Variants in AMN observed in about 807,000 individuals in gnomAD.
AMN encodes amnion associated transmembrane protein.
Under a neutral mutation model 49.1 loss-of-function variants are expected in AMN, and 40 were observed. The observed-to-expected ratio is 0.81, with a 90% CI of 0.63 to 1.06. The LOEUF is 1.06. Ranked by LOEUF, AMN falls within the 50% of genes least tolerant of loss-of-function variation. AMN has a pLI of 0.00. For missense variants in AMN, 701 were observed against 662.8 expected (o/e 1.06, Z -0.63); for synonymous variants, 380 against 313.3 (o/e 1.21, Z -2.25).
At chr14:102,923,236 C>G in intron 1 of AMN, 1 of 269,938 alleles carries the variant, frequency 3.7e-6, no homozygotes, top group Non-Finnish European at 7.2e-6. Flanking sequence ...CTGACCTGGT[C>G]CTGCCGCCCC....
At position 102,930,827 on chromosome 14, in the gene AMN, A is replaced by C; in HGVS notation, c.*147A>C. 1 of 934,656 alleles carries C rather than the reference A, an allele frequency of 1.1e-6. No homozygotes were observed. Among genetic ancestry groups the C allele is most frequent in the South Asian group, 1.4e-5 (1 of 68,990 alleles). The allele number at this position is 934,656 out of a possible 1,614,324, so 57.9% of individuals were successfully genotyped here. A position where few individuals can be genotyped will look rare whatever the true frequency, so the allele number is the denominator to read the frequency against. On this transcript the variant is annotated 3_prime_UTR_variant, in exon 12 of 12. Transcript: ENST00000299155. ...CAAGGACAGGGTGGCCTTACTCAGT[A>C]AAGGTGTTTCCTGCACCTGCTGTCA...
At chr14:102,928,590 G>A in intron 4 of AMN, 77 bp downstream of exon 4, 1 of 1,527,168 alleles carries the variant, frequency 6.5e-7, no homozygotes. Flanking sequence ...CGCGTCGAGG[G>A]GGGCGAGGAC....
Position 102,929,650 on chromosome 14 carries a change from C to G in AMN, c.761-5C>G, listed in dbSNP as rs1322186341. 1.9e-6 allele frequency: 3 copies of G among 1,549,052 alleles called. No individual in the cohort carries two copies. Among genetic ancestry groups the G allele is most frequent in the Non-Finnish European group, 2.6e-6 (3 of 1,146,878 alleles). On this transcript the variant is annotated splice_region_variant and splice_polypyrimidine_tract_variant and intron_variant, in intron 7 of 11. Coordinates refer to ENST00000299155, the MANE Select transcript of AMN (RefSeq NM_030943.4). ...ACGGCGCTGACCCCTGCCCTCCCGC[C>G]GCAGGAGCCGTTGTGTTGCTGACCC...
intron 3 of AMN, 82 bp from the exon 4 acceptor site, chr14:102,928,344 G>C: frequency 7.6e-7 from 1 of 1,320,148 alleles, no homozygotes; most frequent in Non-Finnish European, 1.1e-6. Flanking sequence ...TCGGCTTCTC[G>C]TCCCAGGGGA....
Position 102,930,616 on chromosome 14 carries a change from C to G in AMN, c.1298C>G (p.Ala433Gly), listed in dbSNP as rs749671617. 11 of 1,593,856 alleles carry G rather than the reference C, an allele frequency of 6.9e-6. No individual in the cohort carries two copies. The highest frequency in any genetic ancestry group is 9.4e-6 in the Non-Finnish European group (11 of 1,172,044). Residue 433 changes from alanine (A) to glycine (G), a missense_variant, in exon 12 of 12, where the codon GCA becomes GGA. Coordinates refer to ENST00000299155, the MANE Select transcript of AMN (RefSeq NM_030943.4). ...CTCAGCCTGGTTCCGAAGGCGGCCG[C>G]AGACAGCACCAGCCACAGTTACTTC... ...RRLSLVPKAA[A>G]DSTSHSYFVN...
intron 1 of AMN, chr14:102,923,223 G>A (rs532404784): frequency 3.8e-6 from 1 of 261,652 alleles, no homozygotes; most frequent in South Asian, 4.5e-5. Flanking sequence ...ATTCAGGGCC[G>A]GCCTGACCTG....
In AMN at chr14:102,930,045, G is replaced by C. The variant is rs1463435268; in HGVS notation, c.965G>C (p.Gly322Ala). 6.5e-7 allele frequency: 1 copy of C among 1,548,638 alleles called. No individual in the cohort carries two copies. The highest frequency in any genetic ancestry group is 2.4e-5 in the East Asian group (1 of 40,948). Residue 322 changes from glycine (G) to alanine (A), a missense_variant, in exon 9 of 12, where the codon GGG (glycine) becomes GCG (alanine). Gly to Ala is a moderately conservative substitution (Grantham distance 60). Transcript: ENST00000299155. ...AATGGGCCCGAGACAGGCGGAGCGG[G>C]GCGGCTGGCCCGGGCCCTCCTGGCG... Reference protein sequence around the residue: ...VENGPETGGAGRLARALLADV... With the variant: ...VENGPETGGAARLARALLADV...
In AMN at chr14:102,923,786, G is replaced by A. The variant is rs759053400; in HGVS notation, c.119G>A (p.Arg40Gln). Residue 40 changes from arginine to glutamine, a missense_variant, in exon 2 of 12, where the codon CGG (arginine) becomes CAG (glutamine). Coordinates refer to ENST00000299155, the MANE Select transcript of AMN (RefSeq NM_030943.4). ...FDVAANWSQN[R>Q]TPCAGGAVEF... Reference sequence around the variant, plus strand: ...GTCGCAGCCAACTGGAGCCAGAACCGGACCCCGTGCGCCGGCGGCGCCGTT... The same window carrying A: ...GTCGCAGCCAACTGGAGCCAGAACCAGACCCCGTGCGCCGGCGGCGCCGTT... 5 of 1,612,746 alleles carry A rather than the reference G, an allele frequency of 3.1e-6. No individual in the cohort carries two copies. In the South Asian group the frequency reaches 3.3e-5, roughly 11 times the overall value.
chr14:102,928,879 C>T lies in AMN; in HGVS notation c.417C>T (p.His139=). The change falls in exon 5 of 12, where the codon CAC becomes CAT. Residue 139 remains histidine (H), a synonymous_variant. Coordinates refer to ENST00000299155, the MANE Select transcript of AMN (RefSeq NM_030943.4). ...FVDAERVPCR[H]DDVFFPPSAS... is the part of the protein sequence containing the mutation. ...ACGCCGAGCGCGTGCCCTGCCGCCA[C>T]GACGACGTCTTCTTTCCGCCTAGTG... is the stretch of plus-strand genomic sequence containing the variant. 1 of 1,604,132 alleles carries T rather than the reference C, an allele frequency of 6.2e-7. No homozygotes were observed. The highest frequency in any genetic ancestry group is 8.5e-7 in the Non-Finnish European group (1 of 1,179,824).
chr14:102,926,642 A>T (rs1364538642), intron 3 of AMN, among the ~76,000 whole-genome samples: 1 of 145,454 alleles, frequency 6.9e-6, no homozygotes, highest in African/African-American at 2.6e-5. Context: ...GCTGGAGTGC[A>T]GTGGTGTGAT....
At chr14:102,929,067 T>C in intron 5 of AMN, 54 bp from the exon 6 acceptor site, 1 of 1,597,234 alleles carries the variant, frequency 6.3e-7, no homozygotes, top group Admixed American at 1.7e-5. Context: ...GTCTGAGCAC[T>C]CAGGTGAAGT....
chr14:102,929,739 T>C lies in AMN; in HGVS notation c.843+2T>C, dbSNP rs1286694274. On this transcript the variant is annotated splice_donor_variant, in intron 8 of 11. Coordinates refer to ENST00000299155, the MANE Select transcript of AMN (RefSeq NM_030943.4). LOFTEE classifies it high-confidence loss of function. ...ATACTGGACACCTTCCTGGGTCTGG[T>C]AATGGGGCCGCGCGGGCAGCTGAGG... is the stretch of plus-strand genomic sequence containing the variant. 2 of 1,549,850 alleles carry C rather than the reference T, an allele frequency of 1.3e-6. No homozygotes were observed. The highest frequency in any genetic ancestry group is 8.7e-7 in the Non-Finnish European group (1 of 1,147,072).
chr14:102,924,561 T>G (rs1437555279), intron 3 of AMN, among the ~76,000 whole-genome samples: 5 of 152,046 alleles, frequency 3.3e-5, no homozygotes, highest in Non-Finnish European at 7.4e-5. Flanking sequence ...CCTGAAACCT[T>G]CCCCACTCCC....
At chr14:102,926,065 T>C (rs1012569394) in intron 3 of AMN, among the ~76,000 whole-genome samples, 1 of 152,296 alleles carries the variant, frequency 6.6e-6, no homozygotes, top group East Asian at 1.9e-4. Context: ...CTTTCACCCA[T>C]CCCCCTGCCT....
rs761956345 is a variant in AMN at position 102,928,412 on chromosome 14, C to T, written c.208-14C>T. 1.5e-5 allele frequency: 23 copies of T among 1,586,034 alleles called. No homozygotes were observed. Among genetic ancestry groups the T allele is most frequent in the East Asian group, 2.3e-5 (1 of 42,784 alleles). On this transcript the variant is annotated splice_polypyrimidine_tract_variant and intron_variant, in intron 3 of 11. Coordinates refer to ENST00000299155, the MANE Select transcript of AMN (RefSeq NM_030943.4). ...ACCCCCGCGTGGCGCCGCCTCAGCC[C>T]GTGTCTCTTGCAGCTCCTGCCGCTG...
intron 3 of AMN, among the ~76,000 whole-genome samples, chr14:102,924,730 T>C (rs2139302800): frequency 6.6e-6 from 1 of 152,218 alleles, no homozygotes; most frequent in South Asian, 2.1e-4. Flanking sequence ...AGTAGGTAAG[T>C]TTGGGAAATG....
At chr14:102,927,986 G>A (rs1235486574) in intron 3 of AMN, among the ~76,000 whole-genome samples, 2 of 152,176 alleles carry the variant, frequency 1.3e-5, no homozygotes, top group East Asian at 3.8e-4. Context: ...CCAAGAGCGC[G>A]GCCTCAGACT....
chr14:102,930,366 G>T (rs1163495653), intron 10 of AMN, 39 bp downstream of exon 10: 38 of 1,476,268 alleles, frequency 2.6e-5, no homozygotes, highest in Non-Finnish European at 3.4e-5. Context: ...GCTGGGGGTT[G>T]CTCCGAGGGG....
intron 8 of AMN, 46 bp from the exon 9 acceptor site, chr14:102,929,878 G>A: frequency 1.3e-6 from 2 of 1,549,172 alleles, no homozygotes; most frequent in African/African-American, 1.4e-5. Context: ...CATAGGCTCG[G>A]GGAGGGCGGG....
Sources: gnomAD v4.1 joint callset for allele counts (sites outside exome capture counted in the v4.1 genomes callset) on GRCh38, gnomAD v4.1.1 for gene constraint, MANE v1.5 for transcripts, NCBI Gene and HGNC (gene_info 2026-07-23, HGNC 2026-07-21) for gene names.